Variants in RAPGEF3 observed in about 807,000 individuals in gnomAD.
The protein encoded by RAPGEF3 is Rap guanine nucleotide exchange factor 3, also known as 9330170P05Rik.
RAPGEF3 carries 103 observed loss-of-function variants against 129.8 expected under a neutral mutation model. The observed-to-expected ratio is 0.79, with a 90% CI of 0.68 to 0.93. The LOEUF (loss-of-function observed/expected upper bound fraction) is 0.93, where lower values mean the gene tolerates loss of function less well. Ranked by LOEUF, RAPGEF3 falls within the 40% of genes least tolerant of loss-of-function variation. The pLI is 0.00. For missense variants in RAPGEF3, 1,117 were observed against 1,207.4 expected, an observed-to-expected ratio of 0.93 and a Z score of 1.11; for synonymous variants, 436 against 482.6, an observed-to-expected ratio of 0.90 and a Z score of 1.26.
At chr12:47,741,682 G>T in intron 18 of RAPGEF3, 80 bp from the exon 19 acceptor site, 1 of 1,207,538 alleles carries the variant, frequency 8.3e-7, no homozygotes, top group Non-Finnish European at 1.2e-6. Context: ...TGGAGGTGCT[G>T]TTTGGGAGGC....
chr12:47,746,323 T>C (rs956112573), intron 16 of RAPGEF3: 6 of 329,640 alleles, frequency 1.8e-5, no homozygotes, highest in African/African-American at 1.1e-4. Context: ...TTATTCCCAG[T>C]GCAGCCCTCC....
At chr12:47,750,946 C>T (rs1941704473) in intron 6 of RAPGEF3, 102 bp downstream of exon 6, 11 of 1,488,436 alleles carry the variant, frequency 7.4e-6, no homozygotes, top group South Asian at 3.8e-5. Flanking sequence ...TCCCTTCCCT[C>T]CACAACAGGT....
intron 15 of RAPGEF3, among the ~76,000 whole-genome samples, 157 bp from the exon 16 acceptor site, chr12:47,747,056 T>C (rs1215204105): frequency 1.3e-5 from 2 of 152,082 alleles, no homozygotes; most frequent in African/African-American, 4.8e-5. Context: ...AACACGGTCT[T>C]GAAACCAGGC....
rs1592567859 is a variant in RAPGEF3 at position 47,751,706 on chromosome 12, G to A, written c.380+17C>T. 2 of 1,609,282 alleles carry A rather than the reference G, an allele frequency of 1.2e-6. No homozygotes were observed. The highest frequency in any genetic ancestry group is 4.5e-5 in the East Asian group (2 of 44,856). On this transcript the variant is annotated intron_variant, in intron 4 of 27. Transcript: ENST00000449771. The stretch of plus-strand genomic sequence containing the variant: ...AGCAGTGAGGCTGGGCAAGGAGGCA[G>A]CAGGGCCTCCACTCACCGATAGAGC...
chr12:47,755,983 C>A (rs1942029272), intron 2 of RAPGEF3: 1 of 152,212 alleles, frequency 6.6e-6, no homozygotes, highest in South Asian at 2.1e-4. Flanking sequence ...ACCTCCCCAC[C>A]CCAGTCCCCA....
chr12:47,758,230 C>A, intron 1 of RAPGEF3, 152 bp from the exon 2 acceptor site: 1 of 1,435,256 alleles, frequency 7.0e-7, no homozygotes, highest in Non-Finnish European at 9.1e-7. Context: ...GGGGGAGGAA[C>A]AGGAAGACCT....
At chr12:47,751,584 C>T in intron 4 of RAPGEF3, 64 bp from the exon 5 acceptor site, 1 of 1,607,748 alleles carries the variant, frequency 6.2e-7, no homozygotes. Flanking sequence ...AGGAACTATG[C>T]ATTAGAAAGG....
At chr12:47,748,705 T>C in intron 11 of RAPGEF3, 114 bp downstream of exon 11, 2 of 1,026,670 alleles carry the variant, frequency 1.9e-6, no homozygotes, top group East Asian at 2.4e-5. Flanking sequence ...GGTCCCTCAA[T>C]ACCTCTCCAT....
At chr12:47,738,827 A>G in intron 24 of RAPGEF3, 73 bp from the exon 25 acceptor site, 3 of 1,359,016 alleles carry the variant, frequency 2.2e-6, no homozygotes, top group Non-Finnish European at 3.2e-6. Flanking sequence ...GGTGAAGGGC[A>G]TAACGGCTCC....
intron 3 of RAPGEF3, 28 bp from the exon 4 acceptor site, chr12:47,751,857 C>A (rs1326331331): frequency 1.9e-6 from 3 of 1,614,152 alleles, no homozygotes; most frequent in Non-Finnish European, 2.5e-6. Flanking sequence ...CACAGCAGTT[C>A]AGGCTCTGAA....
Position 47,740,598 on chromosome 12 carries a change from C to CG in RAPGEF3, c.2231+43dup, listed in dbSNP as rs35703007. 10 of 1,598,904 alleles carry CG rather than the reference C, an allele frequency of 6.3e-6. No homozygotes were observed. The African/African-American group carries it at 1.3e-4, about 21-fold the overall frequency. On this transcript the variant is annotated intron_variant, in intron 21 of 27. Transcript: ENST00000449771. ...AGAGGGGGGCTTAGGAAAAGGTAGCCGGGGGGACTCTGGCCACGCCCTACC... is the reference window on the plus strand; with the variant it reads ...AGAGGGGGGCTTAGGAAAAGGTAGCCGGGGGGGACTCTGGCCACGCCCTACC...
In RAPGEF3 at chr12:47,758,221, G is replaced by C. The variant is rs1471857046; in HGVS notation, c.7-143C>G. The C allele has an allele frequency of 4.9e-6, 7 of 1,437,260 alleles. No homozygotes were observed. In the African/African-American group the frequency reaches 1.0e-4, roughly 21 times the overall value. 89.0% of individuals were successfully genotyped at this position (1,437,260 alleles called of 1,614,324 possible). On this transcript the variant is annotated intron_variant, in intron 1 of 27. Coordinates refer to ENST00000449771, the MANE Select transcript of RAPGEF3 (RefSeq NM_001098531.4). ...GTGCTGCAACCCTGCCAGGAGCTGG[G>C]GGGAGGAACAGGAAGACCTTCACTG...
intron 5 of RAPGEF3, 50 bp downstream of exon 5, chr12:47,751,349 C>T (rs1212180043): frequency 8.1e-6 from 13 of 1,610,334 alleles, no homozygotes; most frequent in Non-Finnish European, 1.1e-5. Context: ...GTCCTGTCCC[C>T]CTCACTGCCC....
chr12:47,752,032 C>G, intron 2 of RAPGEF3, 63 bp from the exon 3 acceptor site: 1 of 1,549,032 alleles, frequency 6.5e-7, no homozygotes, highest in Admixed American at 1.7e-5. Flanking sequence ...TCTTGGATAC[C>G]TCCCCTCCCC....
chr12:47,755,113 C>T (rs1177242361), intron 2 of RAPGEF3, among the ~76,000 whole-genome samples: 2 of 152,148 alleles, frequency 1.3e-5, no homozygotes, highest in East Asian at 3.8e-4. Flanking sequence ...CTGTTCGTAG[C>T]AAGAGAGAAG....
At position 47,749,353 on chromosome 12, in the gene RAPGEF3, G is replaced by T; in HGVS notation, c.1041+37C>A. 1 of 1,607,394 alleles carries T rather than the reference G, an allele frequency of 6.2e-7. No individual in the cohort carries two copies. The highest frequency in any genetic ancestry group is 8.5e-7 in the Non-Finnish European group (1 of 1,179,526). On this transcript the variant is annotated intron_variant, in intron 10 of 27. Coordinates refer to ENST00000449771, the MANE Select transcript of RAPGEF3 (RefSeq NM_001098531.4). This position sits in a 1 kb window ranked among gnomAD's most constrained non-coding sequence, Gnocchi z 4.5. ...CTCTCTCCACATCACTTCTCTGGAC[G>T]AATGGCCCCTGCCCTCCCCAACCCC... is the stretch of plus-strand genomic sequence containing the variant.
intron 18 of RAPGEF3, 143 bp downstream of exon 18, chr12:47,743,387 T>A: frequency 8.7e-7 from 1 of 1,154,746 alleles, no homozygotes; most frequent in South Asian, 1.6e-5. Flanking sequence ...ACAGACGCAC[T>A]CCACCTCCCA....
chr12:47,737,406 A>G lies in RAPGEF3; in HGVS notation c.*161T>C, dbSNP rs113940334. 830 of 633,676 alleles carry G rather than the reference A, an allele frequency of 1.3e-3. 7 individuals are homozygous for G. In the African/African-American group the frequency reaches 0.013, roughly 10 times the overall value. The allele number at this position is 633,676 out of a possible 1,614,324, so 39.3% of individuals were successfully genotyped here. On this transcript the variant is annotated 3_prime_UTR_variant, in exon 28 of 28. Coordinates refer to ENST00000449771, the MANE Select transcript of RAPGEF3 (RefSeq NM_001098531.4). Reference sequence around the variant, plus strand: ...CCGAGGTCCTCCTTAGCTGCCAGTCATCACAGGGGATGGCTGCCTCCACAC... The same window carrying G: ...CCGAGGTCCTCCTTAGCTGCCAGTCGTCACAGGGGATGGCTGCCTCCACAC...
Position 47,734,652 on chromosome 12 carries a change from A to G in RAPGEF3, c.*2915T>C, listed in dbSNP as rs1940745523. The G allele has an allele frequency of 1.3e-5, 2 of 152,264 alleles. No individual in the cohort carries two copies. Among genetic ancestry groups the G allele is most frequent in the Admixed American group, 6.5e-5 (1 of 15,292 alleles). The allele number at this position is 152,264 out of a possible 1,614,324, so 9.4% of individuals were successfully genotyped here. ...GTAACGTGAGACAGGGTGAAGATGA[A>G]AGAAGATGAAAACACCATTCAAGTC... On this transcript the variant is annotated 3_prime_UTR_variant, in exon 28 of 28. Coordinates refer to ENST00000449771, the MANE Select transcript of RAPGEF3 (RefSeq NM_001098531.4).
Sources: allele counts gnomAD v4.1 joint callset (sites outside exome capture counted in the v4.1 genomes callset), GRCh38; gene constraint gnomAD v4.1.1; non-coding constraint Gnocchi (gnomAD v3.1); transcripts MANE v1.5; gene names NCBI Gene and HGNC (gene_info 2026-07-23, HGNC 2026-07-21).